SGCE: variants seen among roughly 807,000 people sequenced by gnomAD.
SGCE encodes the protein sarcoglycan epsilon.
In SGCE, 26 loss-of-function variants were observed where a neutral mutation model predicts 57.8. The ratio of observed to expected loss-of-function variants is 0.45; its 90% confidence interval spans 0.33 to 0.62. The LOEUF (loss-of-function observed/expected upper bound fraction) is 0.62, where lower values mean the gene tolerates loss of function less well. Ranked by LOEUF, SGCE falls within the 20% of genes least tolerant of loss-of-function variation. The pLI is 0.02. For missense variants in SGCE, 468 were observed against 548.6 expected (o/e 0.85, Z 1.47); for synonymous variants, 183 against 189.5 (o/e 0.97, Z 0.28).
chr7:94,606,685 G>A (rs978880513), intron 5 of SGCE, among the ~76,000 whole-genome samples: 2 of 152,072 alleles, frequency 1.3e-5, no homozygotes, highest in South Asian at 2.1e-4. Flanking sequence ...TTCTTCTTAA[G>A]TACACATGAA....
In SGCE at chr7:94,603,355, G is replaced by C. The variant is rs1584546434; in HGVS notation, c.760C>G (p.Pro254Ala). The C allele has an allele frequency of 6.2e-7, 1 of 1,612,134 alleles. No individual in the cohort carries two copies. The highest frequency in any genetic ancestry group is 1.1e-5 in the South Asian group (1 of 91,008). The change falls in exon 6 of 11, where the codon CCT (proline) becomes GCT (alanine). Residue 254 changes from proline to alanine, a missense_variant. Pro to Ala is a conservative substitution (Grantham distance 27, BLOSUM62 -1). Coordinates refer to ENST00000648936, the MANE Select transcript of SGCE (RefSeq NM_003919.3). ...NQLRCSQEME[P>A]VITCDKKFRT... The stretch of plus-strand genomic sequence containing the variant: ...AATTTTTTATCACATGTTATTACAG[G>C]CTCCATTTCTTGACTACATCTCAAT...
rs150260564 is a variant in SGCE at position 94,641,399 on chromosome 7, G to T, written c.110-11558C>A. On this transcript the variant is annotated intron_variant, in intron 1 of 10. Transcript: ENST00000648936. ...AGATCAAATGATAGACTGAAGAGTA[G>T]CAAGGTGGACAGAAGGTTGGTTATT... Among the ~76,000 whole-genome samples the T allele has an allele frequency of 3.6e-3, 552 of 152,290 alleles. 7 individuals are homozygous for T. Among genetic ancestry groups the T allele is most frequent in the African/African-American group, 0.013 (526 of 41,568 alleles).
At chr7:94,601,475 A>AAAAAAAC (rs1239713920) in intron 6 of SGCE, among the ~76,000 whole-genome samples, 1 of 137,430 alleles carries the variant, frequency 7.3e-6, no homozygotes, top group African/African-American at 2.6e-5. Context: ...AAAAAAAAAA[A>AAAAAAAC]ACTACAACAG....
At position 94,603,404 on chromosome 7, in the gene SGCE, T is replaced by C. The variant is rs1193322554; in HGVS notation, c.711A>G (p.Arg237=). The change falls in exon 6 of 11, where the codon CGA becomes CGG. Residue 237 remains arginine (R), a synonymous_variant. Transcript: ENST00000648936. ...GADVPFSSCL[R]EVENPQNQLR... ...ATTGATTCTGTGGATTTTCAACTTC[T>C]CGTAAACAAGAAGAAAACGGGACAT... is the stretch of plus-strand genomic sequence containing the variant. 1.2e-6 allele frequency: 2 copies of C among 1,613,266 alleles called. No individual in the cohort carries two copies. Among genetic ancestry groups the C allele is most frequent in the Non-Finnish European group, 1.7e-6 (2 of 1,179,512 alleles).
intron 1 of SGCE, among the ~76,000 whole-genome samples, chr7:94,632,416 T>A (rs1804856765): frequency 6.6e-6 from 1 of 152,062 alleles, no homozygotes; most frequent in Non-Finnish European, 1.5e-5. Flanking sequence ...CTCCTGGGTT[T>A]GAAGATGACA....
Position 94,629,388 on chromosome 7 carries a change from G to T in SGCE, c.232+331C>A, listed in dbSNP as rs1804304671. ...TATGTATAGTTTTCCAAAAATCAAT[G>T]TACTATGTGAGAATCTAGGTCTTAA... On this transcript the variant is annotated intron_variant, in intron 2 of 10. Transcript: ENST00000648936. 6 of 247,830 alleles carry T rather than the reference G, an allele frequency of 2.4e-5. No homozygotes were observed. The South Asian group carries it at 2.5e-4, about 10-fold the overall frequency. 15.4% of individuals were successfully genotyped at this position (247,830 alleles called of 1,614,324 possible).
intron 1 of SGCE, among the ~76,000 whole-genome samples, chr7:94,645,666 G>A (rs990228718): frequency 6.6e-6 from 1 of 152,020 alleles, no homozygotes; most frequent in Non-Finnish European, 1.5e-5. Flanking sequence ...TTTGTCCATT[G>A]GGCAAGCTAC....
chr7:94,640,525 C>A (rs1028950682), intron 1 of SGCE, among the ~76,000 whole-genome samples: 6 of 152,166 alleles, frequency 3.9e-5, no homozygotes, highest in African/African-American at 1.4e-4. Context: ...TTTCTGATTA[C>A]AATATTGGCT....
At chr7:94,590,568 G>C (rs1797539728) in intron 9 of SGCE, 2 of 152,316 alleles carry the variant, frequency 1.3e-5, no homozygotes, top group South Asian at 4.1e-4. Context: ...CTGTATGGAA[G>C]AAACTCCAGG....
intron 3 of SGCE, 88 bp from the exon 4 acceptor site, chr7:94,623,485 A>G (rs1246796608): frequency 7.1e-6 from 6 of 839,752 alleles, no homozygotes; most frequent in African/African-American, 1.7e-5. Context: ...ACAAATTGTC[A>G]TTCTTTCCAT....
chr7:94,618,701 T>C, intron 5 of SGCE, 57 bp downstream of exon 5: 7 of 1,424,192 alleles, frequency 4.9e-6, no homozygotes, highest in Non-Finnish European at 3.0e-6. Context: ...ATAAGTTTGA[T>C]AAGATCACCG....
intron 5 of SGCE, among the ~76,000 whole-genome samples, chr7:94,614,235 G>A (rs1291579965): frequency 6.6e-6 from 1 of 151,112 alleles, no homozygotes; most frequent in Non-Finnish European, 1.5e-5. Flanking sequence ...ATTTTTTCAT[G>A]TGTTCATGTT....
In SGCE at chr7:94,624,365, C is replaced by A; in HGVS notation, c.391-968G>T. ...CATGTGTCAAAAAATAAGTTGCAGT[C>A]ATTGAAAATACTGAGTTAGAACAGT... On this transcript the variant is annotated intron_variant, in intron 3 of 10. Transcript: ENST00000648936. 1.0e-5 allele frequency: 4 copies of A among 395,674 alleles called. No homozygotes were observed. The South Asian group carries it at 5.3e-4, about 53-fold the overall frequency. The allele number at this position is 395,674 out of a possible 1,614,324, so 24.5% of individuals were successfully genotyped here.
intron 5 of SGCE, among the ~76,000 whole-genome samples, chr7:94,616,211 T>A (rs1036468707): frequency 1.3e-5 from 2 of 152,164 alleles, no homozygotes; most frequent in Non-Finnish European, 2.9e-5. Flanking sequence ...GTAGTAGATT[T>A]ACTCTGAGGT....
intron 10 of SGCE, chr7:94,586,946 AGAG>A (rs1796988351): frequency 1.0e-6 from 1 of 975,228 alleles, no homozygotes; most frequent in Non-Finnish European, 1.2e-6. Context: ...AAAACAACCA[AGAG>A]GAGATACTGT....
At chr7:94,641,835 C>T (rs1249881251) in intron 1 of SGCE, among the ~76,000 whole-genome samples, 3 of 152,118 alleles carry the variant, frequency 2.0e-5, no homozygotes, top group East Asian at 1.9e-4. Context: ...GAGATGGGGT[C>T]CACTATGTTG....
intron 5 of SGCE, among the ~76,000 whole-genome samples, chr7:94,606,684 A>C (rs1308970723): frequency 3.9e-5 from 6 of 152,216 alleles, no homozygotes; most frequent in Non-Finnish European, 8.8e-5. Flanking sequence ...ATTCTTCTTA[A>C]GTACACATGA....
chr7:94,653,674 G>A (rs1362813855), intron 1 of SGCE, among the ~76,000 whole-genome samples: 4 of 151,752 alleles, frequency 2.6e-5, no homozygotes, highest in Non-Finnish European at 4.4e-5. Context: ...ATAACAAAAA[G>A]GTTTTATCTA....
intron 1 of SGCE, among the ~76,000 whole-genome samples, chr7:94,642,845 C>T (rs183058288): frequency 1.5e-3 from 234 of 152,338 alleles, no homozygotes; most frequent in Non-Finnish European, 2.2e-3. Context: ...TGCTTCCCAT[C>T]ACCAGCTCCT....
Sources: gnomAD v4.1 joint callset for allele counts (sites outside exome capture counted in the v4.1 genomes callset) on GRCh38, gnomAD v4.1.1 for gene constraint, MANE v1.5 for transcripts, NCBI Gene and HGNC (gene_info 2026-07-23, HGNC 2026-07-21) for gene names.